PCDHA9: variants seen among roughly 807,000 people sequenced by gnomAD.
PCDHA9 encodes the protein protocadherin alpha-9.
In PCDHA9, 62 loss-of-function variants were observed where a neutral mutation model predicts 62.0. That is an observed-to-expected ratio of 1.00 (90% CI 0.81 to 1.23). The LOEUF is 1.23. Among genes scored for constraint, PCDHA9 ranks in the 50% most tolerant of loss-of-function variants. PCDHA9 has a pLI of 0.00. For synonymous variants in PCDHA9, 557 were observed against 567.6 expected (o/e 0.98, Z 0.27); for missense variants, 1,205 against 1,249.8 (o/e 0.96, Z 0.54).
At chr5:140,870,627 G>A (rs782093554) in intron 1 of PCDHA9, 17 of 1,612,908 alleles carry the variant, frequency 1.1e-5, no homozygotes, top group Middle Eastern at 1.7e-4. Flanking sequence ...GCTACGTGTC[G>A]GTGCACGCGG....
At chr5:140,959,800 G>A (rs193288186) in intron 1 of PCDHA9, among the ~76,000 whole-genome samples, 1 of 152,080 alleles carries the variant, frequency 6.6e-6, no homozygotes, top group Admixed American at 6.5e-5. Context: ...CTAATTTAGA[G>A]GATTTATATT....
chr5:140,974,884 T>A (rs1485443373), intron 1 of PCDHA9, among the ~76,000 whole-genome samples: 1 of 152,240 alleles, frequency 6.6e-6, no homozygotes, highest in Non-Finnish European at 1.5e-5. Context: ...TATGTATCCC[T>A]TTTCTGATGA....
chr5:140,996,701 A>G (rs782320896), intron 3 of PCDHA9, among the ~76,000 whole-genome samples: 2 of 152,130 alleles, frequency 1.3e-5, no homozygotes, highest in Non-Finnish European at 2.9e-5. Flanking sequence ...CTGAACCTCT[A>G]TCTCTTTGAT....
chr5:140,883,159 G>T (rs782151764), intron 1 of PCDHA9: 3 of 1,613,846 alleles, frequency 1.9e-6, no homozygotes, highest in South Asian at 1.1e-5. Flanking sequence ...CCATAAATCC[G>T]AACAATGGAG....
chr5:140,997,046 T>C (rs2097756944), intron 3 of PCDHA9, among the ~76,000 whole-genome samples: 1 of 152,176 alleles, frequency 6.6e-6, no homozygotes, highest in Admixed American at 6.5e-5. Flanking sequence ...AACTTTACTT[T>C]TTAGAGCAGT....
intron 1 of PCDHA9, chr5:140,853,906 C>T (rs2042902737): frequency 2.1e-6 from 2 of 955,058 alleles, no homozygotes; most frequent in African/African-American, 1.8e-5. Flanking sequence ...GGTGGCCTGA[C>T]ACCTGCAATC....
At position 140,941,204 on chromosome 5, in the gene PCDHA9, TTTCTTTCTTC is replaced by T. The variant is rs1554213952; in HGVS notation, c.2395-37744_2395-37735del. Among the ~76,000 whole-genome samples, 512 of 88,682 alleles carry T rather than the reference TTTCTTTCTTC, an allele frequency of 5.8e-3. 4 individuals are homozygous for T. Among genetic ancestry groups the T allele is most frequent in the African/African-American group, 0.011 (178 of 16,048 alleles). The allele number at this position is 88,682 out of a possible 152,430, so 58.2% of individuals were successfully genotyped here. ...CTGCTTCTTTTTTTTTCTTTCTTCC[TTTCTTTCTTC>T]CTTTCTTTCTTTCTTTCTTTCTTTC... On this transcript the variant is annotated intron_variant, in intron 1 of 3. Coordinates refer to ENST00000532602, the MANE Select transcript of PCDHA9 (RefSeq NM_031857.2).
chr5:140,897,999 G>A (rs1411789620), intron 1 of PCDHA9, among the ~76,000 whole-genome samples: 3 of 152,142 alleles, frequency 2.0e-5, no homozygotes, highest in East Asian at 1.9e-4. Context: ...TTTGAGAAGT[G>A]TCTGTTCATA....
At chr5:140,910,013 C>T (rs185824848) in intron 1 of PCDHA9, among the ~76,000 whole-genome samples, 4 of 152,256 alleles carry the variant, frequency 2.6e-5, no homozygotes, top group Non-Finnish European at 1.5e-5. Context: ...CAGTGTCATC[C>T]TTGTATCCCT....
chr5:140,945,689 T>G (rs529270613), intron 1 of PCDHA9, among the ~76,000 whole-genome samples: 30 of 152,170 alleles, frequency 2.0e-4, no homozygotes, highest in African/African-American at 7.0e-4. Context: ...ACAGTTACTG[T>G]CCACTGATTT....
At chr5:140,909,451 G>T (rs1433382775) in intron 1 of PCDHA9, among the ~76,000 whole-genome samples, 1 of 152,216 alleles carries the variant, frequency 6.6e-6, no homozygotes, top group African/African-American at 2.4e-5. Flanking sequence ...CATTCTCCAA[G>T]ATCCATCTGT....
In PCDHA9 at chr5:140,904,302, A is replaced by C. The variant is rs553969479; in HGVS notation, c.2394+53413A>C. Among the ~76,000 whole-genome samples, 22 of 151,950 alleles carry C rather than the reference A, an allele frequency of 1.4e-4. No individual in the cohort carries two copies. In the East Asian group the frequency reaches 3.9e-3, roughly 27 times the overall value. On this transcript the variant is annotated intron_variant, in intron 1 of 3. Transcript: ENST00000532602. ...TGTGGTGTTTGGTTTTCCATTCCTG[A>C]GTTTCTTCACTTAGAATAATGGTCT...
intron 1 of PCDHA9, chr5:140,927,106 A>G: frequency 6.2e-7 from 1 of 1,613,678 alleles, no homozygotes; most frequent in Non-Finnish European, 8.5e-7. Context: ...GGATCTACCC[A>G]GCGGCAATTT....
chr5:140,954,537 T>C (rs2095052425), intron 1 of PCDHA9, among the ~76,000 whole-genome samples: 1 of 152,268 alleles, frequency 6.6e-6, no homozygotes, highest in Non-Finnish European at 1.5e-5. Flanking sequence ...TTGAGGTTTT[T>C]TTCATATGTT....
intron 1 of PCDHA9, chr5:140,863,305 T>C: frequency 1.4e-6 from 2 of 1,463,102 alleles, no homozygotes; most frequent in Non-Finnish European, 1.9e-6. Context: ...CATCGCCATC[T>C]GCGTGGTGTC....
intron 1 of PCDHA9, chr5:140,884,006 C>T (rs369069323): frequency 1.2e-6 from 2 of 1,612,906 alleles, no homozygotes; most frequent in African/African-American, 2.7e-5. Context: ...AGTGAGCGAG[C>T]TGATGCCGCG....
chr5:140,870,504 C>G (rs782464928), intron 1 of PCDHA9: 18 of 1,614,232 alleles, frequency 1.1e-5, no homozygotes, highest in Non-Finnish European at 3.4e-6. Context: ...AGGAGAACAA[C>G]CCACCAGGCT....
chr5:140,928,551 G>C, intron 1 of PCDHA9: 1 of 1,614,164 alleles, frequency 6.2e-7, no homozygotes, highest in Non-Finnish European at 8.5e-7. Context: ...ACAATTATCC[G>C]GTTATCTTGT....
At chr5:141,009,107 G>A (rs1329490009) in intron 3 of PCDHA9, among the ~76,000 whole-genome samples, 6 of 152,180 alleles carry the variant, frequency 3.9e-5, no homozygotes, top group African/African-American at 1.4e-4. Flanking sequence ...ATGTTACTAT[G>A]AAACTAGATT....
Sources: gnomAD v4.1 joint callset for allele counts (sites outside exome capture counted in the v4.1 genomes callset) on GRCh38, gnomAD v4.1.1 for gene constraint, MANE v1.5 for transcripts, NCBI Gene and HGNC (gene_info 2026-07-23, HGNC 2026-07-21) for gene names.